The following ADGRA3 variants were observed in gnomAD, a reference collection of about 807,000 sequenced individuals.
The protein encoded by ADGRA3 is adhesion G protein-coupled receptor A3.
Under a neutral mutation model 119.8 loss-of-function variants are expected in ADGRA3, and 56 were observed. The observed-to-expected ratio is 0.47, with a 90% CI of 0.38 to 0.58. The LOEUF is 0.58. Ranked by LOEUF, ADGRA3 falls within the 20% of genes least tolerant of loss-of-function variation. The pLI, the probability that ADGRA3 is intolerant of heterozygous loss-of-function variation, is 0.00. For missense variants in ADGRA3, 1,516 were observed against 1,649.0 expected, an observed-to-expected ratio of 0.92 and a Z score of 1.40; for synonymous variants, 607 against 623.8, an observed-to-expected ratio of 0.97 and a Z score of 0.40.
At chr4:22,437,877 TTCCA>T (rs1716457098) in intron 8 of ADGRA3, among the ~76,000 whole-genome samples, 1 of 152,084 alleles carries the variant, frequency 6.6e-6, no homozygotes, top group Non-Finnish European at 1.5e-5. Flanking sequence ...ATATAAAACC[TTCCA>T]AGGTTCATCT....
intron 3 of ADGRA3, among the ~76,000 whole-genome samples, chr4:22,461,222 G>A (rs1429113030): frequency 2.0e-5 from 3 of 152,240 alleles, no homozygotes; most frequent in Non-Finnish European, 4.4e-5. Flanking sequence ...AGTAGCATAA[G>A]AGTAACACAG....
Position 22,461,894 on chromosome 4 carries a change from AAC to A in ADGRA3, c.330-88_330-87del. 13 of 804,580 alleles carry A rather than the reference AAC, an allele frequency of 1.6e-5. No individual in the cohort carries two copies. The African/African-American group carries it at 2.3e-4, about 14-fold the overall frequency. 49.8% of individuals were successfully genotyped at this position (804,580 alleles called of 1,614,324 possible). On this transcript the variant is annotated intron_variant, in intron 2 of 18. Coordinates refer to ENST00000334304, the MANE Select transcript of ADGRA3 (RefSeq NM_145290.4). ...ATACACTTACCTGCTATACAAAAAA[AAC>A]AAAAGTATAATAATAAGAGGAGGAA...
At chr4:22,391,950 C>T (rs1714151220) in intron 17 of ADGRA3, among the ~76,000 whole-genome samples, 1 of 152,154 alleles carries the variant, frequency 6.6e-6, no homozygotes, top group Non-Finnish European at 1.5e-5. Flanking sequence ...TCACACAGCG[C>T]AGTCAGTGCT....
rs1560292256 is a variant in ADGRA3, at chr4:22,390,373, TATATATAATACGTATTA to T, written c.2628-1207_2628-1191del. Among the ~76,000 whole-genome samples the T allele has an allele frequency of 9.3e-4, 29 of 31,304 alleles. No homozygotes were observed. The East Asian group carries it at 0.048, about 52-fold the overall frequency. 20.5% of individuals were successfully genotyped at this position (31,304 alleles called of 152,430 possible). ...TTATATATATATAATACGTATTATA[TATATATAATACGTATTA>T]TATATATATATAAAATACGTATTAT... On this transcript the variant is annotated intron_variant, in intron 17 of 18. Coordinates refer to ENST00000334304, the MANE Select transcript of ADGRA3 (RefSeq NM_145290.4).
At chr4:22,515,354 G>T (rs1719609945) in intron 1 of ADGRA3, 174 bp downstream of exon 1, 2 of 659,434 alleles carry the variant, frequency 3.0e-6, no homozygotes, top group African/African-American at 3.8e-5. Flanking sequence ...AGATTCCCTT[G>T]CCTTTCCCTG....
intron 3 of ADGRA3, among the ~76,000 whole-genome samples, chr4:22,455,149 G>A (rs1717195280): frequency 6.6e-6 from 1 of 152,178 alleles, no homozygotes; most frequent in South Asian, 2.1e-4. Flanking sequence ...CAGACTCAAT[G>A]CTGCTCAATT....
chr4:22,511,895 C>CTTTTTTTTTTTTTTTTTTTTTTT (rs5856700), intron 1 of ADGRA3, among the ~76,000 whole-genome samples: 1 of 102,614 alleles, frequency 9.7e-6, no homozygotes, highest in African/African-American at 4.0e-5. Context: ...TTCTTTCTTT[C>CTTTTTTTTTTTTTTTTTTTTTTT]TTTTTTTTTT....
intron 10 of ADGRA3, 136 bp from the exon 11 acceptor site, chr4:22,424,488 T>C (rs1715852254): frequency 1.2e-6 from 1 of 860,462 alleles, no homozygotes; most frequent in Admixed American, 2.7e-5. Context: ...GCACTTTACT[T>C]GTTTCTCATG....
At chr4:22,488,915 C>T (rs61793369) in intron 1 of ADGRA3, among the ~76,000 whole-genome samples, 13,616 of 152,036 alleles carry the variant, frequency 0.09, 696 homozygotes, top group Middle Eastern at 0.13. Flanking sequence ...AAGGAAATGC[C>T]TCCATAGAAA....
At chr4:22,420,724 A>G in intron 12 of ADGRA3, 162 bp downstream of exon 12, 1 of 673,378 alleles carries the variant, frequency 1.5e-6, no homozygotes, top group Non-Finnish European at 2.5e-6. Context: ...GTCGTAATGC[A>G]GTTCTTCCTG....
chr4:22,390,389 TA>T (rs1560292300), intron 17 of ADGRA3, among the ~76,000 whole-genome samples: 5 of 16,194 alleles, frequency 3.1e-4, no homozygotes, highest in Non-Finnish European at 1.4e-4. Context: ...TAATACGTAT[TA>T]TATATATATA....
At chr4:22,432,945 G>A (rs1407277255) in intron 10 of ADGRA3, among the ~76,000 whole-genome samples, 2 of 152,074 alleles carry the variant, frequency 1.3e-5, no homozygotes, top group South Asian at 2.1e-4. Flanking sequence ...TCTAAGCTAG[G>A]TGCATTTTAG....
intron 1 of ADGRA3, among the ~76,000 whole-genome samples, chr4:22,497,325 G>A (rs1718866423): frequency 6.6e-6 from 1 of 151,798 alleles, no homozygotes. Context: ...GTGTGTATTT[G>A]TATACACAGT....
At chr4:22,465,670 G>A (rs1392996915) in intron 2 of ADGRA3, among the ~76,000 whole-genome samples, 1 of 152,178 alleles carries the variant, frequency 6.6e-6, no homozygotes, top group African/African-American at 2.4e-5. Context: ...TGTTTCAGAT[G>A]AGGAAACTCA....
intron 2 of ADGRA3, among the ~76,000 whole-genome samples, chr4:22,467,181 T>C (rs1029922267): frequency 6.6e-6 from 1 of 152,220 alleles, no homozygotes; most frequent in Admixed American, 6.5e-5. Context: ...TACTGAATTG[T>C]TGAACTGGGT....
chr4:22,507,278 A>C (rs1411627759), intron 1 of ADGRA3, among the ~76,000 whole-genome samples: 1 of 152,114 alleles, frequency 6.6e-6, no homozygotes, highest in Non-Finnish European at 1.5e-5. Flanking sequence ...ACCAATACTC[A>C]AAGAACTCTG....
intron 10 of ADGRA3, 103 bp from the exon 11 acceptor site, chr4:22,424,455 A>T: frequency 7.9e-7 from 1 of 1,262,574 alleles, no homozygotes; most frequent in Non-Finnish European, 1.1e-6. Flanking sequence ...TTCAGTCTCA[A>T]ATTCCACATG....
At chr4:22,413,952 T>TA in intron 12 of ADGRA3, 138 bp from the exon 13 acceptor site, 2 of 572,330 alleles carry the variant, frequency 3.5e-6, no homozygotes, top group Non-Finnish European at 3.0e-6. Flanking sequence ...ATTTAACAGT[T>TA]AAAAAAATCA....
chr4:22,466,412 C>T (rs960965595), intron 2 of ADGRA3, among the ~76,000 whole-genome samples: 1 of 152,310 alleles, frequency 6.6e-6, no homozygotes, highest in Non-Finnish European at 1.5e-5. Context: ...TTGGGTGAAA[C>T]TCCATTCCTT....
Sources: allele counts gnomAD v4.1 joint callset (sites outside exome capture counted in the v4.1 genomes callset), GRCh38; gene constraint gnomAD v4.1.1; transcripts MANE v1.5; gene names NCBI Gene and HGNC (gene_info 2026-07-23, HGNC 2026-07-21).